Variants in SEL1L3 observed in about 807,000 individuals in gnomAD.
SEL1L3 encodes protein sel-1 homolog 3.
Under a neutral mutation model 142.8 loss-of-function variants are expected in SEL1L3, and 76 were observed. That is an observed-to-expected ratio of 0.53 (90% confidence interval 0.44 to 0.64). SEL1L3 has a LOEUF of 0.64. SEL1L3 is among the 30% of genes least tolerant of loss of function. The pLI, the probability that SEL1L3 is intolerant of heterozygous loss-of-function variation, is 0.00. For synonymous variants in SEL1L3, 504 were observed against 519.6 expected (o/e 0.97, Z 0.41); for missense variants, 1,262 against 1,381.7 (o/e 0.91, Z 1.37).
At chr4:25,821,738 T>C (rs1160826767) in intron 7 of SEL1L3, among the ~76,000 whole-genome samples, 3 of 152,280 alleles carry the variant, frequency 2.0e-5, no homozygotes, top group African/African-American at 7.2e-5. Flanking sequence ...GATGAAAATC[T>C]ACTCTATAAT....
chr4:25,813,198 T>A (rs4692216), intron 9 of SEL1L3, among the ~76,000 whole-genome samples: 46,218 of 152,056 alleles, frequency 0.3, 7,237 homozygotes, highest in Admixed American at 0.35. Context: ...TTCTGGATAC[T>A]GTATATATCT....
intron 15 of SEL1L3, among the ~76,000 whole-genome samples, chr4:25,779,466 C>A (rs1719855205): frequency 6.6e-6 from 1 of 152,204 alleles, no homozygotes; most frequent in South Asian, 2.1e-4. Flanking sequence ...ATTGCCATCT[C>A]ATTTGATCCT....
intron 1 of SEL1L3, among the ~76,000 whole-genome samples, chr4:25,860,320 T>C (rs900259316): frequency 1.3e-5 from 2 of 152,230 alleles, no homozygotes; most frequent in Admixed American, 6.5e-5. Context: ...CTGCTCCATC[T>C]CTACCCTGCA....
At chr4:25,850,479 T>C (rs1480311582) in intron 1 of SEL1L3, among the ~76,000 whole-genome samples, 1 of 152,194 alleles carries the variant, frequency 6.6e-6, no homozygotes, top group Non-Finnish European at 1.5e-5. Flanking sequence ...CCCTCTTATG[T>C]ATTGTTGGTG....
At chr4:25,775,695 C>T (rs1719563773) in intron 17 of SEL1L3, among the ~76,000 whole-genome samples, 1 of 152,284 alleles carries the variant, frequency 6.6e-6, no homozygotes, top group Middle Eastern at 3.4e-3. Flanking sequence ...TCCTCATACA[C>T]CATGTTTCAT....
intron 9 of SEL1L3, among the ~76,000 whole-genome samples, chr4:25,815,600 T>C (rs1714339039): frequency 6.6e-6 from 1 of 152,144 alleles, no homozygotes; most frequent in African/African-American, 2.4e-5. Context: ...AGAACTCTTG[T>C]AAAGACAATT....
chr4:25,820,407 C>T (rs916543003), intron 7 of SEL1L3, among the ~76,000 whole-genome samples: 4 of 152,360 alleles, frequency 2.6e-5, no homozygotes, highest in Non-Finnish European at 4.4e-5. Context: ...ATCTCACTTA[C>T]GGGCCGATGT....
intron 1 of SEL1L3, among the ~76,000 whole-genome samples, chr4:25,854,133 GTT>G (rs540011371): frequency 9.3e-4 from 142 of 152,278 alleles, no homozygotes; most frequent in African/African-American, 3.2e-3. Context: ...AATATTTTAG[GTT>G]TTGCAGGGAC....
At chr4:25,806,775 A>G (rs868696947) in intron 9 of SEL1L3, among the ~76,000 whole-genome samples, 6 of 152,032 alleles carry the variant, frequency 3.9e-5, no homozygotes, top group Middle Eastern at 3.2e-3. Flanking sequence ...GGTGCTGAAA[A>G]CATTCACTTT....
At chr4:25,855,054 G>A (rs1717164061) in intron 1 of SEL1L3, among the ~76,000 whole-genome samples, 2 of 152,260 alleles carry the variant, frequency 1.3e-5, no homozygotes, top group South Asian at 4.1e-4. Context: ...TGCAATGAAG[G>A]AAGCTGGCAT....
At chr4:25,863,434 C>A, upstream of SEL1L3, 1 of 700,540 alleles carries the variant, frequency 1.4e-6, no homozygotes, top group Non-Finnish European at 2.6e-6. Context: ...TCCCACCCAC[C>A]CCTTTTGCGG....
At chr4:25,799,121 C>G (rs770671577) in intron 11 of SEL1L3, among the ~76,000 whole-genome samples, 1 of 151,996 alleles carries the variant, frequency 6.6e-6, no homozygotes. Flanking sequence ...GTAGCCCAGG[C>G]TGGAGTGCAG....
At chr4:25,862,324 G>A (rs1717772176) in intron 1 of SEL1L3, among the ~76,000 whole-genome samples, 2 of 151,584 alleles carry the variant, frequency 1.3e-5, no homozygotes, top group Admixed American at 6.6e-5. Context: ...GGGGGGTGCT[G>A]GAGACTGCGC....
At chr4:25,778,471 T>C (rs1483118577) in intron 16 of SEL1L3, among the ~76,000 whole-genome samples, 3 of 151,952 alleles carry the variant, frequency 2.0e-5, no homozygotes, top group Non-Finnish European at 2.9e-5. Flanking sequence ...TAGCAATCCA[T>C]AGAAAAGAAA....
chr4:25,851,593 C>T (rs1716902999), intron 1 of SEL1L3, among the ~76,000 whole-genome samples: 1 of 151,694 alleles, frequency 6.6e-6, no homozygotes, highest in Admixed American at 6.6e-5. Context: ...AGCAACTGTC[C>T]TAAAAGGTCA....
chr4:25,718,883 G>C, the SEL1L3 span: 1 of 152,264 alleles, frequency 6.6e-6, no homozygotes. Flanking sequence ...TGGGTAGTAA[G>C]TATTATTACT....
chr4:25,800,692 A>G (rs1033845682), intron 11 of SEL1L3, among the ~76,000 whole-genome samples: 1 of 152,234 alleles, frequency 6.6e-6, no homozygotes, highest in Admixed American at 6.5e-5. Flanking sequence ...CCAATTAATA[A>G]ATCTATTCCT....
At chr4:25,750,189 C>G (rs893271928) in intron 23 of SEL1L3, among the ~76,000 whole-genome samples, 3 of 139,506 alleles carry the variant, frequency 2.2e-5, no homozygotes, top group African/African-American at 8.3e-5. Context: ...GAGCTGAGAT[C>G]TTGTCACTGC....
the SEL1L3 span, among the ~76,000 whole-genome samples, chr4:25,722,572 T>C: frequency 1.3e-5 from 2 of 151,416 alleles, no homozygotes; most frequent in East Asian, 3.9e-4. Flanking sequence ...AGACTTTTAC[T>C]GACACCATTT....
Sources: gnomAD v4.1 joint callset for allele counts (sites outside exome capture counted in the v4.1 genomes callset) on GRCh38, gnomAD v4.1.1 for gene constraint, MANE v1.5 for transcripts, NCBI Gene and HGNC (gene_info 2026-07-23, HGNC 2026-07-21) for gene names.